Variants in AFF3 observed in about 807,000 individuals in gnomAD.
AFF3 encodes AF4/FMR2 family member 3.
AFF3 carries 32 observed loss-of-function variants against 129.7 expected under a neutral mutation model. That is an observed-to-expected ratio of 0.25 (90% confidence interval 0.19 to 0.33). AFF3 has a LOEUF of 0.33. AFF3 is among the 10% of genes least tolerant of loss of function. The pLI is 1.00. For synonymous variants in AFF3, 644 were observed against 635.4 expected (o/e 1.01, Z -0.20); for missense variants, 1,373 against 1,592.0 (o/e 0.86, Z 2.34).
intron 7 of AFF3, among the ~76,000 whole-genome samples, chr2:99,974,115 A>G (rs140483567): frequency 2.0e-5 from 3 of 152,364 alleles, no homozygotes; most frequent in African/African-American, 7.2e-5. Context: ...TGAAAGTCAA[A>G]TGCATTGTCA....
rs62154521 is a variant in AFF3 at position 99,627,787 on chromosome 2, T to A, written c.1184+21839A>T. Among the ~76,000 whole-genome samples the A allele has an allele frequency of 4.6e-5, 7 of 152,326 alleles. No homozygotes were observed. The East Asian group carries it at 1.3e-3, about 29-fold the overall frequency. On this transcript the variant is annotated intron_variant, in intron 13 of 24. Transcript: ENST00000672756. ...AGGGGTCCAATTTCAATCTTCTGCA[T>A]ATGGCTACCCAGTTTTCCCAGCATT... is the stretch of plus-strand genomic sequence containing the variant.
chr2:99,965,343 T>C (rs570195970), intron 7 of AFF3, among the ~76,000 whole-genome samples: 2 of 152,318 alleles, frequency 1.3e-5, no homozygotes, highest in Admixed American at 1.3e-4. Flanking sequence ...CTTAGTCAAA[T>C]CTATTACTAA....
At chr2:99,895,893 A>AC (rs1215780590) in intron 7 of AFF3, among the ~76,000 whole-genome samples, 1 of 151,828 alleles carries the variant, frequency 6.6e-6, no homozygotes, top group Admixed American at 6.6e-5. Context: ...ACATGGTGAA[A>AC]CCCCATCTCT....
chr2:99,566,399 T>TTATTAATAAAAA (rs1465561495), intron 19 of AFF3, among the ~76,000 whole-genome samples: 1 of 152,204 alleles, frequency 6.6e-6, no homozygotes, highest in African/African-American at 2.4e-5. Context: ...AAAATGATTT[T>TTATTAATAAAAA]TGGTTGGGCC....
rs145703606 is a variant in AFF3, at chr2:100,017,958, A to T, written c.54-9026T>A. Among the ~76,000 whole-genome samples, 110 of 152,162 alleles carry T rather than the reference A, an allele frequency of 7.2e-4. 2 individuals are homozygous for T. The highest frequency in any genetic ancestry group is 2.5e-3 in the African/African-American group (104 of 41,512). ...TAGGCAAAAGGGTATTAATTTACAG[A>T]TCATGCCTGTTTCAGTTCATTCTTC... On this transcript the variant is annotated intron_variant, in intron 4 of 24. Transcript: ENST00000672756.
At chr2:99,943,420 T>A (rs1305403325) in intron 7 of AFF3, among the ~76,000 whole-genome samples, 1 of 152,210 alleles carries the variant, frequency 6.6e-6, no homozygotes, top group Non-Finnish European at 1.5e-5. Flanking sequence ...GGAAATGCAC[T>A]AGGAATGCAC....
chr2:100,115,527 C>T (rs966455040), intron 2 of AFF3, among the ~76,000 whole-genome samples: 1 of 152,182 alleles, frequency 6.6e-6, no homozygotes, highest in Admixed American at 6.5e-5. Flanking sequence ...GTACTCCATC[C>T]AGCCTGGGTG....
chr2:99,676,763 T>A (rs1640665046), intron 11 of AFF3, among the ~76,000 whole-genome samples: 3 of 152,070 alleles, frequency 2.0e-5, no homozygotes, highest in Non-Finnish European at 4.4e-5. Flanking sequence ...TGAGAGATGG[T>A]GGAGGGGAAT....
intron 9 of AFF3, among the ~76,000 whole-genome samples, chr2:99,746,099 C>T (rs552794051): frequency 1.3e-3 from 190 of 151,838 alleles, no homozygotes; most frequent in Non-Finnish European, 2.1e-3. Context: ...AACCAAAAAC[C>T]ACTTGTACCC....
chr2:99,991,366 C>T (rs904143042), intron 7 of AFF3, among the ~76,000 whole-genome samples: 5 of 149,076 alleles, frequency 3.4e-5, no homozygotes, highest in Admixed American at 2.6e-4. Flanking sequence ...TTGTAATCTG[C>T]GCAGAAGGTC....
chr2:99,637,660 T>C (rs1390706588), intron 13 of AFF3, among the ~76,000 whole-genome samples: 2 of 152,122 alleles, frequency 1.3e-5, no homozygotes. Context: ...TTAATCTAAG[T>C]ACATTCAAGA....
intron 2 of AFF3, among the ~76,000 whole-genome samples, chr2:100,125,830 G>A (rs1419580746): frequency 6.6e-6 from 1 of 152,102 alleles, no homozygotes; most frequent in African/African-American, 2.4e-5. Flanking sequence ...GAGCACAGCA[G>A]GGGGTGGGTG....
chr2:99,579,986 A>T (rs927556031), intron 17 of AFF3, among the ~76,000 whole-genome samples: 7 of 152,246 alleles, frequency 4.6e-5, no homozygotes, highest in Non-Finnish European at 8.8e-5. Flanking sequence ...CTACTGTCAT[A>T]GAAGACCAGG....
At chr2:99,648,938 C>CTCTCTCTCTCT (rs56856050) in intron 13 of AFF3, among the ~76,000 whole-genome samples, 12 of 146,476 alleles carry the variant, frequency 8.2e-5, no homozygotes, top group Non-Finnish European at 1.2e-4. Flanking sequence ...CTCTCTCTCT[C>CTCTCTCTCTCT]CAATCTTAGT....
At chr2:99,935,958 A>G (rs1202495648) in intron 7 of AFF3, among the ~76,000 whole-genome samples, 1 of 152,198 alleles carries the variant, frequency 6.6e-6, no homozygotes, top group Non-Finnish European at 1.5e-5. Flanking sequence ...TAACCCGGTT[A>G]CTCGTCCTCA....
At chr2:99,956,450 C>A (rs1676659703) in intron 7 of AFF3, among the ~76,000 whole-genome samples, 1 of 151,998 alleles carries the variant, frequency 6.6e-6, no homozygotes, top group South Asian at 2.1e-4. Flanking sequence ...GAGGGGGGGG[C>A]TGTTTGTTAC....
chr2:99,795,656 C>T (rs1026828937), intron 8 of AFF3, among the ~76,000 whole-genome samples: 2 of 151,926 alleles, frequency 1.3e-5, no homozygotes, highest in South Asian at 2.1e-4. Flanking sequence ...CTCATTACTT[C>T]CCCTCCTCAT....
chr2:99,703,123 A>G (rs1677029729), intron 11 of AFF3, among the ~76,000 whole-genome samples: 1 of 152,242 alleles, frequency 6.6e-6, no homozygotes, highest in Admixed American at 6.5e-5. Context: ...CAAAATCAGT[A>G]TCACTGGGCT....
At chr2:99,658,873 A>G (rs1257314739) in intron 12 of AFF3, among the ~76,000 whole-genome samples, 1 of 152,172 alleles carries the variant, frequency 6.6e-6, no homozygotes, top group Non-Finnish European at 1.5e-5. Context: ...GGTGGATGCT[A>G]ACAGACACTG....
Sources: allele counts gnomAD v4.1 joint callset (sites outside exome capture counted in the v4.1 genomes callset), GRCh38; gene constraint gnomAD v4.1.1; transcripts MANE v1.5; gene names NCBI Gene and HGNC (gene_info 2026-07-23, HGNC 2026-07-21).